WIZ: variants seen among roughly 807,000 people sequenced by gnomAD.
The protein encoded by WIZ is protein Wiz.
Under a neutral mutation model 140.2 loss-of-function variants are expected in WIZ, and 25 were observed. The ratio of observed to expected loss-of-function variants is 0.18; its 90% CI spans 0.13 to 0.25. The LOEUF is 0.25. Ranked by LOEUF, WIZ falls within the 10% of genes least tolerant of loss-of-function variation. WIZ has a pLI of 1.00. For synonymous variants in WIZ, 1,125 were observed against 1,154.3 expected (o/e 0.97, Z 0.51); for missense variants, 2,231 against 2,632.6 (o/e 0.85, Z 3.34).
At position 15,440,441 on chromosome 19, in the gene WIZ, C is replaced by T. The variant is rs770834025; in HGVS notation, c.553G>A (p.Asp185Asn). Residue 185 changes from aspartate to asparagine, a missense_variant, in exon 4 of 13, where the codon GAC becomes AAC. Physicochemically the swap from Asp to Asn is conservative, Grantham distance 23 (BLOSUM62 1). Transcript: ENST00000673675. This position sits in a 1 kb window ranked among gnomAD's most constrained non-coding sequence, Gnocchi z 6.2. ...EKHAQGRPRF[D>N]WLQDEDEQGS... Reference sequence around the variant, plus strand: ...TGCTCGTCCTCATCTTGGAGCCAGTCGAACCTGGGGCGGCCCTGGGCATGT... The same window carrying T: ...TGCTCGTCCTCATCTTGGAGCCAGTTGAACCTGGGGCGGCCCTGGGCATGT... 2.8e-5 allele frequency: 43 copies of T among 1,535,960 alleles called. 1 individual carries two copies. In the Middle Eastern group the frequency reaches 5.0e-4, roughly 18 times the overall value.
intron 6 of WIZ, 93 bp from the exon 7 acceptor site, chr19:15,430,182 G>C (rs1969140311): frequency 7.0e-7 from 1 of 1,427,430 alleles, no homozygotes; most frequent in Non-Finnish European, 9.2e-7. Context: ...ACTCACCCAG[G>C]CTCCATGGAA....
At position 15,424,241 on chromosome 19, in the gene WIZ, G is replaced by T. The variant is rs774482753; in HGVS notation, c.5452C>A (p.Arg1818=). 29 of 1,581,502 alleles carry T rather than the reference G, an allele frequency of 1.8e-5. No homozygotes were observed. In the East Asian group the frequency reaches 6.6e-4, roughly 36 times the overall value. Reference sequence around the variant, plus strand: ...TTGACAAGTGATGTCTGGGGGGGCCGGGGCACCAGGGAGGGGACTGGCCGG... The same window carrying T: ...TTGACAAGTGATGTCTGGGGGGGCCTGGGCACCAGGGAGGGGACTGGCCGG... ...RVRPVPSLVP[R]PPQTSLVKFV... is the part of the protein sequence containing the mutation. Residue 1818 remains arginine (R), a synonymous_variant, in exon 12 of 13, where the codon CGG becomes AGG. Coordinates refer to ENST00000673675, the MANE Select transcript of WIZ (RefSeq NM_001371589.1). This position sits in a 1 kb window ranked among gnomAD's most constrained non-coding sequence, Gnocchi z 9.7.
rs560659050 is a variant in WIZ at position 15,440,681 on chromosome 19, C to T, written c.313G>A (p.Gly105Ser). 9.3e-6 allele frequency: 14 copies of T among 1,512,170 alleles called. No homozygotes were observed. Among genetic ancestry groups the T allele is most frequent in the Non-Finnish European group, 1.2e-5 (14 of 1,131,726 alleles). The allele number at this position is 1,512,170 out of a possible 1,614,324, so 93.7% of individuals were successfully genotyped here. A position where few individuals can be genotyped will look rare whatever the true frequency, so the allele number is the denominator to read the frequency against. ...CCCAGGAGATGGGGTGGTGGGGAGC[C>T]CGGCCGGAAGTCCAGGCTGCCTCCA... ...WDGGSLDFRP[G>S]SPPPHLLGHF... Residue 105 changes from glycine (G) to serine (S), a missense_variant, in exon 4 of 13, where the codon GGC becomes AGC. Transcript: ENST00000673675. This position sits in a 1 kb window ranked among gnomAD's most constrained non-coding sequence, Gnocchi z 6.2.
At position 15,436,975 on chromosome 19, in the gene WIZ, G is replaced by A; in HGVS notation, c.2571C>T (p.Ile857=). 1 of 1,613,822 alleles carries A rather than the reference G, an allele frequency of 6.2e-7. No homozygotes were observed. Among genetic ancestry groups the A allele is most frequent in the Non-Finnish European group, 8.5e-7 (1 of 1,179,834 alleles). Residue 857 remains isoleucine (I), a synonymous_variant, in exon 5 of 13, where the codon ATC becomes ATT. Coordinates refer to ENST00000673675, the MANE Select transcript of WIZ (RefSeq NM_001371589.1). ...NWELTVSPIN[I]LQELLATSAA... ...CAGAGGTGGCCAGCAGCTCCTGCAGGATGTTGATGGGTGAGACAGTGAGCT... is the reference window on the plus strand; with the variant it reads ...CAGAGGTGGCCAGCAGCTCCTGCAGAATGTTGATGGGTGAGACAGTGAGCT...
Position 15,422,803 on chromosome 19 carries a change from G to T in WIZ, c.*273C>A. On this transcript the variant is annotated 3_prime_UTR_variant, in exon 13 of 13. Coordinates refer to ENST00000673675, the MANE Select transcript of WIZ (RefSeq NM_001371589.1). ...GTCCTCCCCTGTGACCAGACCGGCTGCCATCAGAGACCTGGCTGCTGCCCC... is the reference window on the plus strand; with the variant it reads ...GTCCTCCCCTGTGACCAGACCGGCTTCCATCAGAGACCTGGCTGCTGCCCC... The T allele has an allele frequency of 1.9e-6, 1 of 527,390 alleles. No individual in the cohort carries two copies. Among genetic ancestry groups the T allele is most frequent in the Non-Finnish European group, 3.4e-6 (1 of 296,666 alleles). 32.7% of individuals were successfully genotyped at this position (527,390 alleles called of 1,614,324 possible).
rs1359611770 is a variant in WIZ at position 15,429,774 on chromosome 19, C to A, written c.3227G>T (p.Gly1076Val). Residue 1076 changes from glycine to valine, a missense_variant, in exon 7 of 13, where the codon GGC (glycine) becomes GTC (valine). Gly to Val is a moderately radical substitution (Grantham distance 109). Around this residue, in one of 15 missense-constraint regions of WIZ, gnomAD observed 163 missense variants for 166.8 expected, o/e 0.98. Coordinates refer to ENST00000673675, the MANE Select transcript of WIZ (RefSeq NM_001371589.1). ...GTGGCCCAGGCCCTTGGCCGAGAAGCCGGGAGGCGACTTGATGGCTTTGTT... is the reference window on the plus strand; with the variant it reads ...GTGGCCCAGGCCCTTGGCCGAGAAGACGGGAGGCGACTTGATGGCTTTGTT... ...AVNKAIKSPPGFSAKGLGHPP... is the reference protein window; with the variant it reads ...AVNKAIKSPPVFSAKGLGHPP... 2 of 1,514,136 alleles carry A rather than the reference C, an allele frequency of 1.3e-6. No individual in the cohort carries two copies. The highest frequency in any genetic ancestry group is 2.5e-5 in the East Asian group (1 of 40,476). 93.8% of individuals were successfully genotyped at this position (1,514,136 alleles called of 1,614,324 possible).
At position 15,439,231 on chromosome 19, in the gene WIZ, G is replaced by T. The variant is rs373522709; in HGVS notation, c.1763C>A (p.Thr588Asn). Residue 588 changes from threonine (T) to asparagine (N), a missense_variant, in exon 4 of 13, where the codon ACC becomes AAC. By Grantham distance (65) the Thr-to-Asn change is moderately conservative (BLOSUM62 0). Around this residue, in one of 15 missense-constraint regions of WIZ, gnomAD observed 475 missense variants for 520.2 expected, o/e 0.91. Coordinates refer to ENST00000673675, the MANE Select transcript of WIZ (RefSeq NM_001371589.1). The surrounding 1 kb of genome is among the most constrained non-coding windows in gnomAD (Gnocchi z 7.0). The stretch of plus-strand genomic sequence containing the variant: ...TCTCCCGAGCTGTAAGGAGTAGGGG[G>T]TGGATGCTAGTGTGGAGGGAAAGGC... The part of the protein sequence containing the change: ...RLAFPSTLAS[T>N]PYSLQLGRNK... The T allele has an allele frequency of 1.4e-3, 2,163 of 1,535,628 alleles. 46 individuals carry two copies. In the South Asian group the frequency reaches 0.023, roughly 16 times the overall value.
rs1158370637 is a variant in WIZ at position 15,424,052 on chromosome 19, G to C, written c.5510+131C>G. On this transcript the variant is annotated intron_variant, in intron 12 of 12. Coordinates refer to ENST00000673675, the MANE Select transcript of WIZ (RefSeq NM_001371589.1). The surrounding 1 kb of genome is among the most constrained non-coding windows in gnomAD (Gnocchi z 9.7). ...CTCAGGGTGTCAGCCTTTAGCCTGA[G>C]CCCCACCACACCCAAGGGCAGCCAC... 8.5e-6 allele frequency: 7 copies of C among 826,392 alleles called. No homozygotes were observed. The highest frequency in any genetic ancestry group is 3.8e-5 in the Admixed American group (1 of 26,308). 51.2% of individuals were successfully genotyped at this position (826,392 alleles called of 1,614,324 possible).
intron 7 of WIZ, among the ~76,000 whole-genome samples, chr19:15,429,267 C>T (rs181197613): frequency 1.1e-4 from 17 of 152,318 alleles, no homozygotes; most frequent in Admixed American, 4.6e-4. Flanking sequence ...TTACCTTCAC[C>T]GCCCCTACCC....
In WIZ at chr19:15,420,260, G is replaced by C. The variant is rs1262206040; in HGVS notation, c.*2816C>G. ...CTGTTTGCTCTACTTTTGTATAGTT[G>C]GAATTCTCCATGATAAACTGTTTTA... On this transcript the variant is annotated 3_prime_UTR_variant, in exon 13 of 13. Transcript: ENST00000673675. The C allele has an allele frequency of 6.6e-6, 1 of 152,158 alleles. No individual in the cohort carries two copies. Among genetic ancestry groups the C allele is most frequent in the African/African-American group, 2.4e-5 (1 of 41,428 alleles). The allele number at this position is 152,158 out of a possible 1,614,324, so 9.4% of individuals were successfully genotyped here.
Position 15,428,663 on chromosome 19 carries a change from A to T in WIZ, c.3416-155T>A, listed in dbSNP as rs1293876631. Among the ~76,000 whole-genome samples, 1 of 152,190 alleles carries T rather than the reference A, an allele frequency of 6.6e-6. No individual in the cohort carries two copies. Among genetic ancestry groups the T allele is most frequent in the African/African-American group, 2.4e-5 (1 of 41,450 alleles). ...TTTCTTTTGAAGTTTGGGAAGCAGG[A>T]CATCCTGTTTCCTGCCTAGCCCTTT... is the stretch of plus-strand genomic sequence containing the variant. On this transcript the variant is annotated intron_variant, in intron 7 of 12. Transcript: ENST00000673675. This position sits in a 1 kb window ranked among gnomAD's most constrained non-coding sequence, Gnocchi z 6.4.
intron 2 of WIZ, among the ~76,000 whole-genome samples, chr19:15,445,906 TG>T (rs1159343691): frequency 6.6e-6 from 1 of 152,008 alleles, no homozygotes; most frequent in Non-Finnish European, 1.5e-5. Context: ...GCCCAGGCTT[TG>T]GGGTGGAATA....
At chr19:15,443,754 C>A (rs1195199271) in intron 2 of WIZ, among the ~76,000 whole-genome samples, 1 of 152,206 alleles carries the variant, frequency 6.6e-6, no homozygotes, top group East Asian at 1.9e-4. Flanking sequence ...CTGCAGCATT[C>A]TAGCACCTGG....
intron 4 of WIZ, among the ~76,000 whole-genome samples, chr19:15,437,927 G>A (rs1599696205): frequency 6.6e-6 from 1 of 152,032 alleles, no homozygotes; most frequent in Non-Finnish European, 1.5e-5. Context: ...TCTCAGCCCT[G>A]CTCACTCGGT....
chr19:15,423,317 A>G (rs751689182), intron 12 of WIZ, 82 bp from the exon 13 acceptor site: 26 of 1,508,450 alleles, frequency 1.7e-5, no homozygotes, highest in Non-Finnish European at 2.2e-5. Flanking sequence ...CCCTGGGCAC[A>G]CCTGCTGCTA....
Position 15,424,246 on chromosome 19 carries a change from A to C in WIZ, c.5447T>G (p.Val1816Gly). ...PPRVRPVPSL[V>G]PRPPQTSLVK... is the part of the protein sequence containing the mutation. ...AAGTGATGTCTGGGGGGGCCGGGGC[A>C]CCAGGGAGGGGACTGGCCGGACTCG... is the stretch of plus-strand genomic sequence containing the variant. The change falls in exon 12 of 13, where the codon GTG (valine) becomes GGG (glycine). Residue 1816 changes from valine (V) to glycine (G), a missense_variant. Coordinates refer to ENST00000673675, the MANE Select transcript of WIZ (RefSeq NM_001371589.1). The surrounding 1 kb of genome is among the most constrained non-coding windows in gnomAD (Gnocchi z 9.7). 6.3e-7 allele frequency: 1 copy of C among 1,586,094 alleles called. No individual in the cohort carries two copies. The highest frequency in any genetic ancestry group is 8.6e-7 in the Non-Finnish European group (1 of 1,168,974).
Position 15,440,625 on chromosome 19 carries a change from C to CT in WIZ, c.368_369insA (p.Pro124AlafsTer17). 6.5e-7 allele frequency: 1 copy of CT among 1,532,230 alleles called. No individual in the cohort carries two copies. Among genetic ancestry groups the CT allele is most frequent in the Non-Finnish European group, 8.7e-7 (1 of 1,143,776 alleles). The allele number at this position is 1,532,230 out of a possible 1,614,324, so 94.9% of individuals were successfully genotyped here. A position where few individuals can be genotyped will look rare whatever the true frequency, so the allele number is the denominator to read the frequency against. On this transcript the variant is annotated frameshift_variant, in exon 4 of 13. Transcript: ENST00000673675. LOFTEE classifies it high-confidence loss of function. The surrounding 1 kb of genome is among the most constrained non-coding windows in gnomAD (Gnocchi z 6.2). ...CCTGGACAAGGGGGTGCTCCCAGGGCCCCCGGCCATCAGGGGTACCTGGGA... is the reference window on the plus strand; with the variant it reads ...CCTGGACAAGGGGGTGCTCCCAGGGCTCCCCGGCCATCAGGGGTACCTGGGA...
Position 15,448,045 on chromosome 19 carries a change from C to T in WIZ, c.205+58G>A, listed in dbSNP as rs73926754. 2.9e-3 allele frequency: 4,623 copies of T among 1,597,742 alleles called. 112 individuals are homozygous for T. The African/African-American group carries it at 0.052, about 18-fold the overall frequency. On this transcript the variant is annotated intron_variant, in intron 2 of 12. Coordinates refer to ENST00000673675, the MANE Select transcript of WIZ (RefSeq NM_001371589.1). ...GCTGCGCTGGGTGACTTGACTCTCTCTGAGCCTTGGGGAATGGGCTGGATG... is the reference window on the plus strand; with the variant it reads ...GCTGCGCTGGGTGACTTGACTCTCTTTGAGCCTTGGGGAATGGGCTGGATG...
chr19:15,437,008 G>C lies in WIZ; in HGVS notation c.2538C>G (p.Thr846=). ...TGGGTGAGACAGTGAGCTCCCAGTT[G>C]GTGATACCGAAGTCACGTAGGTGGG... is the stretch of plus-strand genomic sequence containing the variant. ...ARAHLRDFGI[T]NWELTVSPIN... Residue 846 remains threonine, a synonymous_variant, in exon 5 of 13, where the codon ACC becomes ACG. Transcript: ENST00000673675. The C allele has an allele frequency of 6.2e-7, 1 of 1,613,918 alleles. No homozygotes were observed. Among genetic ancestry groups the C allele is most frequent in the South Asian group, 1.1e-5 (1 of 91,052 alleles).
Sources: gnomAD v4.1 joint callset for allele counts (sites outside exome capture counted in the v4.1 genomes callset) on GRCh38, gnomAD v4.1.1 for gene constraint, gnomAD v4.1.1 regional missense constraint, Gnocchi (gnomAD v3.1) non-coding constraint, MANE v1.5 for transcripts, NCBI Gene and HGNC (gene_info 2026-07-23, HGNC 2026-07-21) for gene names.